ADGRL1: variants seen among roughly 807,000 people sequenced by gnomAD.
ADGRL1 encodes the protein adhesion G protein-coupled receptor L1.
ADGRL1 carries 31 observed loss-of-function variants against 148.9 expected under a neutral mutation model. The observed-to-expected ratio is 0.21, with a 90% CI of 0.16 to 0.28. The LOEUF (loss-of-function observed/expected upper bound fraction) is 0.28, where lower values mean the gene tolerates loss of function less well. Among genes scored for constraint, ADGRL1 ranks in the 10% least tolerant of loss-of-function variants. The pLI is 1.00. For synonymous variants in ADGRL1, 937 were observed against 900.3 expected (o/e 1.04, Z -0.73); for missense variants, 1,521 against 2,058.8 (o/e 0.74, Z 5.05).
intron 1 of ADGRL1, among the ~76,000 whole-genome samples, chr19:14,193,533 G>A (rs1294202957): frequency 1.3e-5 from 2 of 152,146 alleles, no homozygotes; most frequent in Non-Finnish European, 1.5e-5. Flanking sequence ...GCTGCAGTGA[G>A]CTCTGATTGC....
At chr19:14,153,354 G>C (rs372068539) in intron 18 of ADGRL1, among the ~76,000 whole-genome samples, 1 of 151,748 alleles carries the variant, frequency 6.6e-6, no homozygotes, top group South Asian at 2.1e-4. Flanking sequence ...TAGGTGCTGC[G>C]GAGAAAACTA....
rs1437812911 is a variant in ADGRL1 at position 14,156,137 on chromosome 19, G to T, written c.3098C>A (p.Pro1033His). Residue 1033 changes from proline to histidine, a missense_variant, in exon 17 of 23, where the codon CCC becomes CAC. This residue lies in a region of ADGRL1 where 185 missense variants were observed against 251.7 expected (regional missense o/e 0.74). Transcript: ENST00000361434. Reference sequence around the variant, plus strand: ...AATGTTGTCCAGGCGGCTGGAGTCGGGCTTGAGCACAGATGAGCTTCGGAT... The same window carrying T: ...AATGTTGTCCAGGCGGCTGGAGTCGTGCTTGAGCACAGATGAGCTTCGGAT... ...KMIRSSSVLK[P>H]DSSRLDNIKS... 6.2e-7 allele frequency: 1 copy of T among 1,612,312 alleles called. No homozygotes were observed. The highest frequency in any genetic ancestry group is 1.3e-5 in the African/African-American group (1 of 74,836).
At chr19:14,177,891 G>C in intron 2 of ADGRL1, 147 bp from the exon 3 acceptor site, 2 of 662,126 alleles carry the variant, frequency 3.0e-6, no homozygotes, top group South Asian at 1.9e-5. Flanking sequence ...TGTAGAATGG[G>C]CCTCTCAGTG....
chr19:14,195,532 C>T (rs1599515785), intron 1 of ADGRL1, among the ~76,000 whole-genome samples: 1 of 152,126 alleles, frequency 6.6e-6, no homozygotes, highest in Non-Finnish European at 1.5e-5. Context: ...CTCCTCCCTT[C>T]CTGGCAGCAG....
At chr19:14,153,411 A>ATTTTTT (rs36035971) in intron 18 of ADGRL1, among the ~76,000 whole-genome samples, 3 of 112,298 alleles carry the variant, frequency 2.7e-5, no homozygotes, top group African/African-American at 1.1e-4. Flanking sequence ...GCAGGTTGTG[A>ATTTTTT]TTTTTTTTTT....
rs748506407 is a variant in ADGRL1, at chr19:14,159,404, C to A, written c.2020G>T (p.Val674Leu). Reference protein sequence around the residue: ...PARFLAAKENVVLEVTVLNTE... With the variant: ...PARFLAAKENLVLEVTVLNTE... ...CCTGGGTGACTGTGGCACTCACCCA[C>A]GTTCTCCTTGGCAGCCAGGAAGCGG... is the stretch of plus-strand genomic sequence containing the variant. Residue 674 changes from valine (V) to leucine (L), a missense_variant, in exon 10 of 23, where the codon GTG (valine) becomes TTG (leucine). Val to Leu is a conservative substitution (Grantham distance 32). Coordinates refer to ENST00000361434, the MANE Select transcript of ADGRL1 (RefSeq NM_014921.5). The surrounding 1 kb of genome is among the most constrained non-coding windows in gnomAD (Gnocchi z 6.0). 1 of 1,607,218 alleles carries A rather than the reference C, an allele frequency of 6.2e-7. No homozygotes were observed.
intron 1 of ADGRL1, among the ~76,000 whole-genome samples, chr19:14,189,510 G>A (rs1386051849): frequency 1.3e-5 from 2 of 152,160 alleles, no homozygotes; most frequent in East Asian, 3.9e-4. Context: ...GATTACGGCT[G>A]TGAGCCACCA....
intron 1 of ADGRL1, among the ~76,000 whole-genome samples, chr19:14,196,911 T>C (rs908815931): frequency 2.0e-5 from 3 of 152,100 alleles, no homozygotes; most frequent in African/African-American, 4.8e-5. Flanking sequence ...GGGGTTTGCA[T>C]ACTACACTCA....
chr19:14,187,995 T>G (rs1447299149), intron 1 of ADGRL1, among the ~76,000 whole-genome samples: 1 of 152,034 alleles, frequency 6.6e-6, no homozygotes. Context: ...TTTGGGAGGC[T>G]AAGGTGGGTG....
chr19:14,151,507 C>T lies in ADGRL1; in HGVS notation c.3776G>A (p.Gly1259Glu). The change falls in exon 23 of 23, where the codon GGG (glycine) becomes GAG (glutamate). Residue 1259 changes from glycine to glutamate, a missense_variant. Physicochemically the swap from Gly to Glu is moderately conservative, Grantham distance 98. Transcript: ENST00000361434. ...LRSGDFPPGD[G>E]GPEPPRGRNL... Reference sequence around the variant, plus strand: ...CCGGCCTCGGGGCGGCTCAGGGCCCCCATCCCCGGGAGGGAAATCCCCACT... The same window carrying T: ...CCGGCCTCGGGGCGGCTCAGGGCCCTCATCCCCGGGAGGGAAATCCCCACT... 1 of 1,610,918 alleles carries T rather than the reference C, an allele frequency of 6.2e-7. No individual in the cohort carries two copies. The highest frequency in any genetic ancestry group is 8.5e-7 in the Non-Finnish European group (1 of 1,178,840).
intron 3 of ADGRL1, among the ~76,000 whole-genome samples, chr19:14,176,074 G>A (rs1037671610): frequency 6.7e-5 from 10 of 149,094 alleles, no homozygotes; most frequent in African/African-American, 1.2e-4. Flanking sequence ...AAAACAGGCC[G>A]GGCGCAGTGG....
intron 4 of ADGRL1, 84 bp from the exon 5 acceptor site, chr19:14,163,490 G>GAGAGAGAGAGAGAA: frequency 9.5e-7 from 1 of 1,048,658 alleles, no homozygotes; most frequent in African/African-American, 1.6e-5. Flanking sequence ...GAGAGAGAGA[G>GAGAGAGAGAGAGAA]AGAGAGAGGG....
chr19:14,190,216 C>T (rs1971842904), intron 1 of ADGRL1, among the ~76,000 whole-genome samples: 1 of 151,788 alleles, frequency 6.6e-6, no homozygotes, highest in South Asian at 2.1e-4. Context: ...TGAGCCGCCA[C>T]ACCTGGCCTG....
At position 14,158,276 on chromosome 19, in the gene ADGRL1, AC is replaced by A. The variant is rs1599403071; in HGVS notation, c.2364+61del. 13 of 1,540,848 alleles carry A rather than the reference AC, an allele frequency of 8.4e-6. No individual in the cohort carries two copies. In the East Asian group the frequency reaches 2.9e-4, roughly 35 times the overall value. On this transcript the variant is annotated intron_variant, in intron 12 of 22. Transcript: ENST00000361434. ...GGTGAGCACATGGAGGGGCAGGTAC[AC>A]AGCCTGGGAACACAGAGGGTACAGG...
Position 14,158,000 on chromosome 19 carries a change from G to A in ADGRL1, c.2417C>T (p.Ser806Phe), listed in dbSNP as rs754907277. The A allele has an allele frequency of 1.9e-6, 3 of 1,614,210 alleles. No homozygotes were observed. Among genetic ancestry groups the A allele is most frequent in the Admixed American group, 1.7e-5 (1 of 60,028 alleles). Residue 806 changes from serine to phenylalanine, a missense_variant, in exon 13 of 23, where the codon TCC (serine) becomes TTC (phenylalanine). Physicochemically the swap from Ser to Phe is radical, Grantham distance 155. Around this residue, in one of 8 missense-constraint regions of ADGRL1, gnomAD observed 265 missense variants for 431.9 expected, o/e 0.61. Coordinates refer to ENST00000361434, the MANE Select transcript of ADGRL1 (RefSeq NM_014921.5). This position sits in a 1 kb window ranked among gnomAD's most constrained non-coding sequence, Gnocchi z 7.5. The stretch of plus-strand genomic sequence containing the variant: ...TTGGGTCGACCAGTAGCCCAGCATG[G>A]AACGCTCCGAGTAGTTCCAGAAGGA... ...NCSFWNYSERSMLGYWSTQGC... is the reference protein window; with the variant it reads ...NCSFWNYSERFMLGYWSTQGC...
chr19:14,166,071 G>A (rs1367200962), intron 4 of ADGRL1, among the ~76,000 whole-genome samples: 1 of 152,072 alleles, frequency 6.6e-6, no homozygotes, highest in Non-Finnish European at 1.5e-5. Context: ...AAATTACGGA[G>A]TCTGTGGAAG....
At chr19:14,179,967 G>C (rs1314714569) in intron 2 of ADGRL1, among the ~76,000 whole-genome samples, 1 of 152,150 alleles carries the variant, frequency 6.6e-6, no homozygotes, top group Non-Finnish European at 1.5e-5. Context: ...AACAGGACTT[G>C]GGGCAGGAGC....
Position 14,161,546 on chromosome 19 carries a change from T to C in ADGRL1, c.1276A>G (p.Thr426Ala). ...AGGGGTGCCCGGCGGAGCGGGGTGG[T>C]GGCTGCGGGCGAGGCTGTGCTGGTG... ...PLTSTASPAA[T>A]TPLRRAPLTT... The change falls in exon 6 of 23, where the codon ACC becomes GCC. Residue 426 changes from threonine (T) to alanine (A), a missense_variant. This residue lies in a region of ADGRL1 where 270 missense variants were observed against 320.4 expected (regional missense o/e 0.84). Coordinates refer to ENST00000361434, the MANE Select transcript of ADGRL1 (RefSeq NM_014921.5). The surrounding 1 kb of genome is among the most constrained non-coding windows in gnomAD (Gnocchi z 4.4). 1 of 1,446,596 alleles carries C rather than the reference T, an allele frequency of 6.9e-7. No individual in the cohort carries two copies. Among genetic ancestry groups the C allele is most frequent in the Non-Finnish European group, 9.1e-7 (1 of 1,099,770 alleles). 89.6% of individuals were successfully genotyped at this position (1,446,596 alleles called of 1,614,324 possible). A position where few individuals can be genotyped will look rare whatever the true frequency, so the allele number is the denominator to read the frequency against.
At chr19:14,183,993 A>G (rs1468011613) in intron 1 of ADGRL1, among the ~76,000 whole-genome samples, 1 of 152,104 alleles carries the variant, frequency 6.6e-6, no homozygotes, top group Non-Finnish European at 1.5e-5. Flanking sequence ...ACCCTCTGGA[A>G]GCCTCTTCCC....
Sources: gnomAD v4.1 joint callset for allele counts (sites outside exome capture counted in the v4.1 genomes callset) on GRCh38, gnomAD v4.1.1 for gene constraint, gnomAD v4.1.1 regional missense constraint, Gnocchi (gnomAD v3.1) non-coding constraint, MANE v1.5 for transcripts, NCBI Gene and HGNC (gene_info 2026-07-23, HGNC 2026-07-21) for gene names.